BMPR1B: variants seen among roughly 807,000 people sequenced by gnomAD.
The protein encoded by BMPR1B is bone morphogenetic protein receptor type 1B, also known as bone morphogenetic protein receptor type-1B.
In BMPR1B, 12 loss-of-function variants were observed where a neutral mutation model predicts 59.1. The observed-to-expected ratio is 0.20, with a 90% confidence interval of 0.13 to 0.33. The LOEUF is 0.33. BMPR1B is among the 10% of genes least tolerant of loss of function. The probability of loss-of-function intolerance (pLI) is 1.00; values close to 1 mark genes in which losing one functional copy is unlikely to be tolerated. For synonymous variants in BMPR1B, 237 were observed against 207.3 expected (o/e 1.14, Z -1.23); for missense variants, 550 against 610.9 (o/e 0.90, Z 1.05).
intron 2 of BMPR1B, among the ~76,000 whole-genome samples, chr4:94,901,598 T>C (rs1727810901): frequency 6.6e-6 from 1 of 151,972 alleles, no homozygotes. Flanking sequence ...ACTTAATCAG[T>C]TCAAAAGCTT....
At chr4:95,096,730 T>TAGTTATATATAACTATAC (rs1730403862) in intron 3 of BMPR1B, among the ~76,000 whole-genome samples, 2 of 56,566 alleles carry the variant, frequency 3.5e-5, no homozygotes, top group Non-Finnish European at 7.3e-5. Context: ...TATAACTATA[T>TAGTTATATATAACTATAC]ATAGTTATAT....
chr4:94,889,419 T>C (rs1300878023), intron 2 of BMPR1B, among the ~76,000 whole-genome samples: 3 of 152,116 alleles, frequency 2.0e-5, no homozygotes, highest in Non-Finnish European at 4.4e-5. Flanking sequence ...GATGCTCTAA[T>C]TGACAAAGTG....
intron 2 of BMPR1B, among the ~76,000 whole-genome samples, chr4:94,962,447 G>C (rs999500416): frequency 1.3e-5 from 2 of 151,956 alleles, no homozygotes; most frequent in East Asian, 1.9e-4. Flanking sequence ...CAGTATGTTT[G>C]TACCCATTAA....
chr4:94,977,175 G>T (rs1455034373), intron 2 of BMPR1B, among the ~76,000 whole-genome samples: 3 of 152,176 alleles, frequency 2.0e-5, no homozygotes, highest in African/African-American at 7.2e-5. Context: ...TCCCTGTGAG[G>T]CTGTGATGGG....
intron 9 of BMPR1B, among the ~76,000 whole-genome samples, chr4:95,130,967 T>G (rs980391422): frequency 2.0e-5 from 3 of 151,944 alleles, no homozygotes; most frequent in Admixed American, 6.6e-5. Context: ...TGACCTCAAG[T>G]GATCCACCCG....
intron 1 of BMPR1B, among the ~76,000 whole-genome samples, chr4:94,815,138 C>T (rs1205914341): frequency 6.6e-6 from 1 of 152,136 alleles, no homozygotes; most frequent in Non-Finnish European, 1.5e-5. Flanking sequence ...CTCCTAACCT[C>T]AGGTGATCCA....
At chr4:94,789,763 A>G (rs1439255767) in intron 1 of BMPR1B, among the ~76,000 whole-genome samples, 1 of 152,018 alleles carries the variant, frequency 6.6e-6, no homozygotes, top group Admixed American at 6.6e-5. Context: ...CACTCACCTA[A>G]TATATATATC....
chr4:94,820,349 C>T (rs1283835085), intron 1 of BMPR1B, among the ~76,000 whole-genome samples: 1 of 152,156 alleles, frequency 6.6e-6, no homozygotes, highest in Non-Finnish European at 1.5e-5. Flanking sequence ...ACATTTGTTT[C>T]TTTGGAGAAC....
intron 2 of BMPR1B, among the ~76,000 whole-genome samples, chr4:94,959,717 C>T (rs1730282838): frequency 6.6e-6 from 1 of 151,904 alleles, no homozygotes; most frequent in Non-Finnish European, 1.5e-5. Context: ...AATACTTTGG[C>T]CAGTGAAGTT....
chr4:94,794,012 CTT>C lies in BMPR1B; in HGVS notation c.-183+35946_-183+35947del, dbSNP rs1331243482. Among the ~76,000 whole-genome samples the C allele has an allele frequency of 4.0e-5, 6 of 149,912 alleles. No individual in the cohort carries two copies. In the East Asian group the frequency reaches 1.2e-3, roughly 29 times the overall value. On this transcript the variant is annotated intron_variant, in intron 1 of 12. Coordinates refer to ENST00000515059, the MANE Select transcript of BMPR1B (RefSeq NM_001203.3). Reference sequence around the variant, plus strand: ...TAGTTTCTTTTGCTGTACAGAAGCTCTTTAGTTTAATTAGATCCCATTTGTCA... The same window carrying C: ...TAGTTTCTTTTGCTGTACAGAAGCTCTAGTTTAATTAGATCCCATTTGTCA...
intron 10 of BMPR1B, among the ~76,000 whole-genome samples, chr4:95,146,875 T>G (rs1199091189): frequency 1.3e-5 from 2 of 152,166 alleles, no homozygotes; most frequent in African/African-American, 2.4e-5. Context: ...ATGTTTCCAG[T>G]TTACCATTAA....
intron 3 of BMPR1B, among the ~76,000 whole-genome samples, chr4:95,042,820 A>G (rs1376053918): frequency 6.6e-6 from 1 of 152,144 alleles, no homozygotes; most frequent in Non-Finnish European, 1.5e-5. Flanking sequence ...ATTCTGGTTC[A>G]GTTTCTTGCC....
intron 8 of BMPR1B, among the ~76,000 whole-genome samples, chr4:95,127,493 C>G (rs919315423): frequency 2.0e-5 from 3 of 152,052 alleles, no homozygotes; most frequent in Non-Finnish European, 4.4e-5. Flanking sequence ...TGCAAAACTG[C>G]TTATGTTAGG....
chr4:94,901,893 C>G (rs1402732954), intron 2 of BMPR1B, among the ~76,000 whole-genome samples: 1 of 151,844 alleles, frequency 6.6e-6, no homozygotes, highest in Admixed American at 6.6e-5. Context: ...CATTGTACTA[C>G]TTGTATATGT....
intron 3 of BMPR1B, among the ~76,000 whole-genome samples, chr4:95,092,164 T>C (rs1179323019): frequency 6.6e-6 from 1 of 152,130 alleles, no homozygotes; most frequent in East Asian, 1.9e-4. Context: ...GATTTAGATG[T>C]TAGATCAAAT....
Position 94,894,300 on chromosome 4 carries a change from C to T in BMPR1B, c.-113+18400C>T, listed in dbSNP as rs186694061. Among the ~76,000 whole-genome samples, 458 of 152,166 alleles carry T rather than the reference C, an allele frequency of 3.0e-3. 3 individuals are homozygous for T. Among genetic ancestry groups the T allele is most frequent in the Non-Finnish European group, 5.3e-3 (361 of 67,970 alleles). ...GACCTTGGCAACATTTCAGGGGTTACATTTTCACATAGATCAACTGTTCTT... is the reference window on the plus strand; with the variant it reads ...GACCTTGGCAACATTTCAGGGGTTATATTTTCACATAGATCAACTGTTCTT... On this transcript the variant is annotated intron_variant, in intron 2 of 12. Transcript: ENST00000515059.
At chr4:95,099,791 T>C (rs72672713) in intron 3 of BMPR1B, among the ~76,000 whole-genome samples, 2 of 152,234 alleles carry the variant, frequency 1.3e-5, no homozygotes, top group African/African-American at 4.8e-5. Context: ...TACTACTCTT[T>C]CTTTATTATT....
At chr4:94,993,615 G>A (rs1164481811) in intron 2 of BMPR1B, among the ~76,000 whole-genome samples, 1 of 151,950 alleles carries the variant, frequency 6.6e-6, no homozygotes. Flanking sequence ...ACAAAAATTA[G>A]TCAGGTATGG....
At chr4:94,958,552 T>C in intron 2 of BMPR1B, among the ~76,000 whole-genome samples, 1 of 152,098 alleles carries the variant, frequency 6.6e-6, no homozygotes. Flanking sequence ...TCTCCTAATC[T>C]CTTATAAGAA....
Sources: allele counts gnomAD v4.1 joint callset (sites outside exome capture counted in the v4.1 genomes callset), GRCh38; gene constraint gnomAD v4.1.1; transcripts MANE v1.5; gene names NCBI Gene and HGNC (gene_info 2026-07-23, HGNC 2026-07-21).